Variants in PPP2R5E observed in about 807,000 individuals in gnomAD.
The protein encoded by PPP2R5E is serine/threonine-protein phosphatase 2A 56 kDa regulatory subunit epsilon isoform.
A neutral mutation model predicts 65.3 loss-of-function variants in PPP2R5E; 4 were observed. The ratio of observed to expected loss-of-function variants is 0.06; its 90% CI spans 0.03 to 0.14. The LOEUF (loss-of-function observed/expected upper bound fraction) is 0.14. Ranked by LOEUF, PPP2R5E falls within the 10% of genes least tolerant of loss-of-function variation. The probability of loss-of-function intolerance (pLI) is 1.00; values close to 1 mark genes in which losing one functional copy is unlikely to be tolerated. For missense variants in PPP2R5E, 274 were observed against 556.1 expected, an observed-to-expected ratio of 0.49 and a Z score of 5.10; for synonymous variants, 183 against 187.4, an observed-to-expected ratio of 0.98 and a Z score of 0.19.
intron 2 of PPP2R5E, among the ~76,000 whole-genome samples, chr14:63,503,575 G>A (rs1222981938): frequency 6.6e-6 from 1 of 151,928 alleles, no homozygotes; most frequent in Non-Finnish European, 1.5e-5. Flanking sequence ...AAGCAGTAAG[G>A]GCAAAAAACA....
chr14:63,468,320 G>T (rs1410323420), intron 2 of PPP2R5E, among the ~76,000 whole-genome samples: 1 of 152,022 alleles, frequency 6.6e-6, no homozygotes, highest in Non-Finnish European at 1.5e-5. Context: ...TCCCTTTTTG[G>T]TATGTCTGGT....
chr14:63,408,444 T>C (rs988303779), intron 5 of PPP2R5E, among the ~76,000 whole-genome samples: 1 of 152,236 alleles, frequency 6.6e-6, no homozygotes, highest in African/African-American at 2.4e-5. Context: ...ATGGGTTTTA[T>C]GGCACGCTCA....
chr14:63,496,068 T>C (rs1566743844), intron 2 of PPP2R5E, among the ~76,000 whole-genome samples: 1 of 152,152 alleles, frequency 6.6e-6, no homozygotes, highest in African/African-American at 2.4e-5. Context: ...TTTTACATAT[T>C]AAGTGTTGAA....
At position 63,467,222 on chromosome 14, in the gene PPP2R5E, C is replaced by CAA. The variant is rs767892639; in HGVS notation, c.158-13339_158-13338dup. On this transcript the variant is annotated intron_variant, in intron 2 of 13. Transcript: ENST00000337537. ...TGGGTGACAGAGCAAGACTCCGTCT[C>CAA]AAAAAAAACAAACAAACAAACAAAA... Among the ~76,000 whole-genome samples the CAA allele has an allele frequency of 1.4e-3, 164 of 114,352 alleles. 19 individuals carry two copies. Among genetic ancestry groups the CAA allele is most frequent in the African/African-American group, 5.7e-3 (128 of 22,444 alleles). 75.0% of individuals were successfully genotyped at this position (114,352 alleles called of 152,430 possible).
intron 5 of PPP2R5E, among the ~76,000 whole-genome samples, chr14:63,413,683 T>C (rs1169990986): frequency 1.3e-5 from 2 of 152,226 alleles, no homozygotes; most frequent in Non-Finnish European, 2.9e-5. Flanking sequence ...ATACAAAATG[T>C]AGATCTACTA....
chr14:63,417,366 G>A (rs1332365294), intron 4 of PPP2R5E, among the ~76,000 whole-genome samples: 1 of 151,870 alleles, frequency 6.6e-6, no homozygotes, highest in African/African-American at 2.4e-5. Flanking sequence ...TTTGTCAGTG[G>A]TAACAAATAT....
intron 2 of PPP2R5E, among the ~76,000 whole-genome samples, chr14:63,493,425 A>G (rs1891378634): frequency 6.9e-6 from 1 of 143,940 alleles, no homozygotes; most frequent in African/African-American, 2.7e-5. Flanking sequence ...TCCCGCTTCA[A>G]TCCTCTCTCA....
At chr14:63,460,832 T>C (rs1037341928) in intron 2 of PPP2R5E, among the ~76,000 whole-genome samples, 3 of 152,218 alleles carry the variant, frequency 2.0e-5, no homozygotes, top group Admixed American at 6.5e-5. Flanking sequence ...AGGGCTTTCG[T>C]GTTATTTTGA....
In PPP2R5E at chr14:63,395,291, A is replaced by G. The variant is rs191740389; in HGVS notation, c.681-6T>C. 4.8e-4 allele frequency: 763 copies of G among 1,595,516 alleles called. 2 individuals carry two copies. The highest frequency in any genetic ancestry group is 4.6e-3 in the African/African-American group (339 of 74,140). On this transcript the variant is annotated splice_region_variant and splice_polypyrimidine_tract_variant and intron_variant, in intron 6 of 13. Coordinates refer to ENST00000337537, the MANE Select transcript of PPP2R5E (RefSeq NM_006246.5). ...GTTCTGTTTCATAAACAAACCTGAG[A>G]GAAGAGGAGAAAAGGGAGGAGAAAG... is the stretch of plus-strand genomic sequence containing the variant.
At chr14:63,514,422 C>T (rs757497233) in intron 2 of PPP2R5E, among the ~76,000 whole-genome samples, 1 of 151,882 alleles carries the variant, frequency 6.6e-6, no homozygotes, top group East Asian at 1.9e-4. Flanking sequence ...TTCCTGCTAA[C>T]CAGAGCAAGC....
intron 2 of PPP2R5E, among the ~76,000 whole-genome samples, chr14:63,463,722 G>A (rs961323215): frequency 6.0e-5 from 9 of 151,034 alleles, no homozygotes; most frequent in South Asian, 4.2e-4. Flanking sequence ...TCAGCCTCCC[G>A]AGTAGCTGGG....
intron 2 of PPP2R5E, among the ~76,000 whole-genome samples, chr14:63,461,861 CAT>C (rs1491179347): frequency 2.0e-4 from 31 of 151,802 alleles, no homozygotes; most frequent in Non-Finnish European, 3.5e-4. Flanking sequence ...CACACACACA[CAT>C]GCATGTGCAC....
chr14:63,404,440 A>C lies in PPP2R5E; in HGVS notation c.550-7724T>G, dbSNP rs146000037. Among the ~76,000 whole-genome samples the C allele has an allele frequency of 3.0e-3, 456 of 152,328 alleles. 3 individuals are homozygous for C. Among genetic ancestry groups the C allele is most frequent in the Admixed American group, 5.0e-3 (76 of 15,304 alleles). ...CTACTACCTGAAAACTATCTTCCTC[A>C]TACTTTCACCTTGGCCAAATACAGA... On this transcript the variant is annotated intron_variant, in intron 5 of 13. Transcript: ENST00000337537.
Position 63,439,355 on chromosome 14 carries a change from T to TCTTTTG in PPP2R5E, c.354+14333_354+14334insCAAAAG, listed in dbSNP as rs201364951. Among the ~76,000 whole-genome samples the TCTTTTG allele has an allele frequency of 5.1e-3, 662 of 129,278 alleles. 2 individuals carry two copies. Among genetic ancestry groups the TCTTTTG allele is most frequent in the Non-Finnish European group, 8.0e-3 (518 of 64,856 alleles). The allele number at this position is 129,278 out of a possible 152,430, so 84.8% of individuals were successfully genotyped here. ...AGTGGCCAGACTGGGTCCTGGTCTG[T>TCTTTTG]TTTTTTTTTTTGTTTTTGTTTTTGT... On this transcript the variant is annotated intron_variant, in intron 3 of 13. Transcript: ENST00000337537.
At chr14:63,474,203 T>C (rs1175268090) in intron 2 of PPP2R5E, among the ~76,000 whole-genome samples, 1 of 152,172 alleles carries the variant, frequency 6.6e-6, no homozygotes, top group Non-Finnish European at 1.5e-5. Flanking sequence ...TCAATTGTGC[T>C]TGCTGATAGA....
At chr14:63,438,956 C>T (rs1888073528) in intron 3 of PPP2R5E, among the ~76,000 whole-genome samples, 1 of 151,092 alleles carries the variant, frequency 6.6e-6, no homozygotes, top group South Asian at 2.1e-4. Context: ...ACTATAAACA[C>T]AGGGGCATAT....
chr14:63,448,081 A>G (rs1026623953), intron 3 of PPP2R5E, among the ~76,000 whole-genome samples: 5 of 152,124 alleles, frequency 3.3e-5, no homozygotes, highest in African/African-American at 4.8e-5. Flanking sequence ...GTGGATCACA[A>G]GGTCAGGAGA....
intron 2 of PPP2R5E, among the ~76,000 whole-genome samples, chr14:63,482,856 A>ACACATTCCT (rs1267100304): frequency 2.6e-5 from 4 of 152,178 alleles, no homozygotes. Context: ...ACATACAAGT[A>ACACATTCCT]CACATTCCTT....
At chr14:63,440,783 C>CAAAAAAAAAAAA (rs763718989) in intron 3 of PPP2R5E, among the ~76,000 whole-genome samples, 3 of 108,840 alleles carry the variant, frequency 2.8e-5, no homozygotes, top group African/African-American at 1.1e-4. Context: ...CTAAAAAATA[C>CAAAAAAAAAAAA]AAAAAAAAAA....
Sources: allele counts gnomAD v4.1 joint callset (sites outside exome capture counted in the v4.1 genomes callset), GRCh38; gene constraint gnomAD v4.1.1; transcripts MANE v1.5; gene names NCBI Gene and HGNC (gene_info 2026-07-23, HGNC 2026-07-21).